ANTXR1: variants seen among roughly 807,000 people sequenced by gnomAD.
ANTXR1 encodes ANTXR cell adhesion molecule 1.
A neutral mutation model predicts 78.1 loss-of-function variants in ANTXR1; 19 were observed. The ratio of observed to expected loss-of-function variants is 0.24; its 90% CI spans 0.17 to 0.36. The LOEUF is 0.36. Among genes scored for constraint, ANTXR1 ranks in the 10% least tolerant of loss-of-function variants. The pLI is 1.00. For synonymous variants in ANTXR1, 273 were observed against 260.5 expected (o/e 1.05, Z -0.46); for missense variants, 518 against 718.6 (o/e 0.72, Z 3.19).
intron 4 of ANTXR1, among the ~76,000 whole-genome samples, chr2:69,071,165 C>T (rs760985012): frequency 1.3e-5 from 2 of 152,130 alleles, no homozygotes; most frequent in Non-Finnish European, 2.9e-5. Context: ...AGGAATAAGA[C>T]ATCAATCCAT....
intron 17 of ANTXR1, among the ~76,000 whole-genome samples, chr2:69,194,158 G>C (rs1300355559): frequency 6.6e-6 from 1 of 152,250 alleles, no homozygotes; most frequent in Admixed American, 6.5e-5. Flanking sequence ...GTTTCAAATA[G>C]TAACAAGTAA....
intron 12 of ANTXR1, among the ~76,000 whole-genome samples, chr2:69,137,888 A>G (rs1672960505): frequency 2.0e-5 from 3 of 151,912 alleles, no homozygotes; most frequent in Admixed American, 2.0e-4. Context: ...GTTCGAGATC[A>G]GCCTGGCAAA....
At chr2:69,197,752 G>A (rs929835525) in intron 17 of ANTXR1, among the ~76,000 whole-genome samples, 1 of 152,162 alleles carries the variant, frequency 6.6e-6, no homozygotes, top group South Asian at 2.1e-4. Flanking sequence ...AAGGCTTCCT[G>A]CACAGCTTGG....
chr2:69,092,955 A>G (rs1486346409), intron 9 of ANTXR1, among the ~76,000 whole-genome samples: 1 of 152,248 alleles, frequency 6.6e-6, no homozygotes, highest in East Asian at 1.9e-4. Flanking sequence ...CTTGACTGCA[A>G]TTATTGCTTT....
chr2:69,046,529 G>A (rs1055566799), intron 3 of ANTXR1, among the ~76,000 whole-genome samples: 1 of 152,164 alleles, frequency 6.6e-6, no homozygotes, highest in East Asian at 1.9e-4. Context: ...GGTCAAATGT[G>A]CATCAAACAA....
chr2:69,162,860 T>C (rs747659255), intron 13 of ANTXR1, among the ~76,000 whole-genome samples: 5 of 152,010 alleles, frequency 3.3e-5, no homozygotes, highest in African/African-American at 4.8e-5. Flanking sequence ...ATAGGACTAA[T>C]GGGGGAAATG....
At chr2:69,103,199 AAC>A in intron 10 of ANTXR1, 2 of 496,290 alleles carry the variant, frequency 4.0e-6, no homozygotes, top group South Asian at 2.0e-5. Flanking sequence ...TCCTCCACAA[AAC>A]ACAGAGCCAC....
At chr2:69,052,804 G>A (rs973216109) in intron 3 of ANTXR1, among the ~76,000 whole-genome samples, 1 of 151,904 alleles carries the variant, frequency 6.6e-6, no homozygotes, top group African/African-American at 2.4e-5. Flanking sequence ...TGACATCTGA[G>A]AGAATGTTTC....
At chr2:69,137,441 C>T (rs1277783744) in intron 12 of ANTXR1, among the ~76,000 whole-genome samples, 1 of 152,142 alleles carries the variant, frequency 6.6e-6, no homozygotes, top group African/African-American at 2.4e-5. Context: ...ATTTATGCCA[C>T]CTCCTGGGTT....
intron 17 of ANTXR1, among the ~76,000 whole-genome samples, chr2:69,205,985 C>CT (rs1674889782): frequency 6.6e-6 from 1 of 152,166 alleles, no homozygotes; most frequent in East Asian, 1.9e-4. Context: ...AAATTCGTTC[C>CT]TATAACATTT....
At chr2:69,127,315 G>A (rs1477608803) in intron 12 of ANTXR1, among the ~76,000 whole-genome samples, 1 of 152,112 alleles carries the variant, frequency 6.6e-6, no homozygotes, top group African/African-American at 2.4e-5. Context: ...CTATGGGAGT[G>A]TGGGGAAGGG....
intron 12 of ANTXR1, among the ~76,000 whole-genome samples, chr2:69,151,648 C>A (rs1673401647): frequency 6.6e-6 from 1 of 152,200 alleles, no homozygotes; most frequent in South Asian, 2.1e-4. Context: ...GCCCCCACCC[C>A]CTGGATTCAC....
intron 3 of ANTXR1, among the ~76,000 whole-genome samples, chr2:69,064,092 A>C (rs147439449): frequency 6.6e-6 from 1 of 152,216 alleles, no homozygotes; most frequent in Admixed American, 6.5e-5. Flanking sequence ...TACATTAAAT[A>C]TAAAATGAAC....
At chr2:69,121,885 A>G (rs887603280) in intron 10 of ANTXR1, among the ~76,000 whole-genome samples, 2 of 152,172 alleles carry the variant, frequency 1.3e-5, no homozygotes, top group African/African-American at 4.8e-5. Context: ...GGATACAATG[A>G]AGTTCTTAGT....
At chr2:69,055,998 A>G (rs938502603) in intron 3 of ANTXR1, among the ~76,000 whole-genome samples, 1 of 152,226 alleles carries the variant, frequency 6.6e-6, no homozygotes, top group Non-Finnish European at 1.5e-5. Context: ...TTCATGAATT[A>G]ACATATGGAA....
intron 13 of ANTXR1, among the ~76,000 whole-genome samples, chr2:69,159,598 C>T (rs1430697631): frequency 6.6e-6 from 1 of 152,096 alleles, no homozygotes; most frequent in Non-Finnish European, 1.5e-5. Flanking sequence ...AGTTAAAACA[C>T]CACACTATTT....
chr2:69,192,583 T>C (rs1674567349), intron 16 of ANTXR1, among the ~76,000 whole-genome samples: 1 of 152,220 alleles, frequency 6.6e-6, no homozygotes, highest in Admixed American at 6.5e-5. Flanking sequence ...TCAACATTCT[T>C]ACCTTAATCA....
chr2:69,109,470 C>T (rs1319026605), intron 10 of ANTXR1, among the ~76,000 whole-genome samples: 1 of 152,140 alleles, frequency 6.6e-6, no homozygotes, highest in Non-Finnish European at 1.5e-5. Flanking sequence ...AAAAACGCTG[C>T]AGTAATTGGA....
chr2:69,034,354 G>A (rs1394722375), intron 1 of ANTXR1, among the ~76,000 whole-genome samples: 1 of 152,174 alleles, frequency 6.6e-6, no homozygotes, highest in African/African-American at 2.4e-5. Context: ...CAAGAGTATT[G>A]AAAGAATCTT....
Sources: allele counts gnomAD v4.1 joint callset (sites outside exome capture counted in the v4.1 genomes callset), GRCh38; gene constraint gnomAD v4.1.1; transcripts MANE v1.5; gene names NCBI Gene and HGNC (gene_info 2026-07-23, HGNC 2026-07-21).